EIF4G3: variants seen among roughly 807,000 people sequenced by gnomAD.
The protein encoded by EIF4G3 is eIF-4-gamma 3.
A neutral mutation model predicts 186.4 loss-of-function variants in EIF4G3; 34 were observed. The observed-to-expected ratio is 0.18, with a 90% CI of 0.14 to 0.24. The LOEUF (loss-of-function observed/expected upper bound fraction) is 0.24, where lower values mean the gene tolerates loss of function less well. Ranked by LOEUF, EIF4G3 falls within the 10% of genes least tolerant of loss-of-function variation. The probability of loss-of-function intolerance (pLI) is 1.00; values close to 1 mark genes in which losing one functional copy is unlikely to be tolerated. For synonymous variants in EIF4G3, 673 were observed against 679.5 expected, an observed-to-expected ratio of 0.99 and a Z score of 0.15; for missense variants, 1,536 against 1,948.5, an observed-to-expected ratio of 0.79 and a Z score of 3.99.
chr1:20,964,958 T>A (rs1180807300), intron 12 of EIF4G3, among the ~76,000 whole-genome samples: 1 of 152,202 alleles, frequency 6.6e-6, no homozygotes, highest in Non-Finnish European at 1.5e-5. Flanking sequence ...TTTCTCTCTC[T>A]CTCCACCTGC....
intron 4 of EIF4G3, among the ~76,000 whole-genome samples, chr1:21,046,651 T>C (rs1037029869): frequency 2.6e-5 from 4 of 152,236 alleles, no homozygotes; most frequent in Non-Finnish European, 5.9e-5. Context: ...AAAAAGGACA[T>C]GTAGCTAAAA....
At chr1:20,873,849 TCCC>T (rs1043531948) in intron 20 of EIF4G3, among the ~76,000 whole-genome samples, 20 of 151,574 alleles carry the variant, frequency 1.3e-4, no homozygotes, top group African/African-American at 4.6e-4. Context: ...TCAACCCCCA[TCCC>T]CCAAAAAGCC....
intron 14 of EIF4G3, among the ~76,000 whole-genome samples, chr1:20,907,423 G>C (rs2092393250): frequency 6.6e-6 from 1 of 151,448 alleles, no homozygotes; most frequent in South Asian, 2.1e-4. Context: ...TAAGTTTTAG[G>C]GTACATGTGC....
At chr1:20,988,671 C>A (rs2080161149) in intron 7 of EIF4G3, among the ~76,000 whole-genome samples, 1 of 152,066 alleles carries the variant, frequency 6.6e-6, no homozygotes, top group Non-Finnish European at 1.5e-5. Flanking sequence ...TGGGAAAACA[C>A]CTAGTCACCC....
At chr1:20,934,620 A>C (rs2095456326) in intron 14 of EIF4G3, among the ~76,000 whole-genome samples, 1 of 152,138 alleles carries the variant, frequency 6.6e-6, no homozygotes, top group South Asian at 2.1e-4. Context: ...AAAAACCATA[A>C]AAATAATGGT....
intron 2 of EIF4G3, among the ~76,000 whole-genome samples, chr1:21,166,552 C>G (rs1373700009): frequency 6.6e-6 from 1 of 151,966 alleles, no homozygotes; most frequent in African/African-American, 2.4e-5. Context: ...ATGGTGAAAC[C>G]CCATCTCTAC....
At chr1:21,130,455 C>T (rs909576350) in intron 2 of EIF4G3, among the ~76,000 whole-genome samples, 2 of 151,860 alleles carry the variant, frequency 1.3e-5, no homozygotes, top group Non-Finnish European at 2.9e-5. Flanking sequence ...TCTTGAACTC[C>T]TGACCTCAAG....
At chr1:21,096,843 G>A (rs1359386153) in intron 2 of EIF4G3, among the ~76,000 whole-genome samples, 1 of 152,182 alleles carries the variant, frequency 6.6e-6, no homozygotes, top group Non-Finnish European at 1.5e-5. Flanking sequence ...GGCCTTGATT[G>A]ACCTGAAATG....
intron 20 of EIF4G3, among the ~76,000 whole-genome samples, chr1:20,876,515 T>C (rs1354128870): frequency 6.6e-6 from 1 of 150,874 alleles, no homozygotes; most frequent in Non-Finnish European, 1.5e-5. Context: ...AAAACCTCTT[T>C]ATACATACTC....
chr1:20,811,372 C>G (rs2059212916), intron 35 of EIF4G3, among the ~76,000 whole-genome samples: 1 of 152,190 alleles, frequency 6.6e-6, no homozygotes, highest in South Asian at 2.1e-4. Context: ...CTTGGCCTCC[C>G]AAAATGCTGG....
At chr1:20,818,316 G>A (rs2061541314) in intron 33 of EIF4G3, among the ~76,000 whole-genome samples, 1 of 152,150 alleles carries the variant, frequency 6.6e-6, no homozygotes, top group Non-Finnish European at 1.5e-5. Context: ...TGCTATAATT[G>A]TTTAGCACTT....
intron 2 of EIF4G3, among the ~76,000 whole-genome samples, chr1:21,150,949 C>A (rs545441308): frequency 1.3e-5 from 2 of 152,276 alleles, no homozygotes; most frequent in South Asian, 2.1e-4. Context: ...GCACTCCAGG[C>A]TGGGCAACAG....
chr1:21,146,313 TGGC>T (rs1558177756), intron 2 of EIF4G3, among the ~76,000 whole-genome samples: 46 of 151,830 alleles, frequency 3.0e-4, no homozygotes, highest in Admixed American at 2.9e-3. Context: ...AGGTGAGCCA[TGGC>T]TACACCACTG....
intron 14 of EIF4G3, among the ~76,000 whole-genome samples, chr1:20,928,973 G>T (rs1396420824): frequency 2.0e-5 from 3 of 152,120 alleles, no homozygotes; most frequent in African/African-American, 7.2e-5. Context: ...TCATACAAAT[G>T]GAATCATATA....
At chr1:20,973,639 T>C (rs959969467) in intron 10 of EIF4G3, among the ~76,000 whole-genome samples, 2 of 152,192 alleles carry the variant, frequency 1.3e-5, no homozygotes, top group South Asian at 2.1e-4. Context: ...TCAGAACATA[T>C]GGCCTTAAGA....
intron 2 of EIF4G3, among the ~76,000 whole-genome samples, chr1:21,132,526 T>C (rs1481849414): frequency 2.0e-5 from 3 of 152,042 alleles, no homozygotes; most frequent in Non-Finnish European, 2.9e-5. Context: ...CCTGGATTTC[T>C]TGGGCTCAAC....
intron 18 of EIF4G3, among the ~76,000 whole-genome samples, chr1:20,889,919 C>A (rs191945466): frequency 9.9e-5 from 15 of 152,188 alleles, no homozygotes; most frequent in Admixed American, 4.6e-4. Context: ...ATTTTAAAAT[C>A]ATTGGCATAC....
chr1:20,846,871 T>C (rs1326512572), intron 29 of EIF4G3, among the ~76,000 whole-genome samples: 1 of 152,172 alleles, frequency 6.6e-6, no homozygotes, highest in African/African-American at 2.4e-5. Context: ...GGAATGTATA[T>C]AAAATATAGG....
At chr1:21,065,672 T>G (rs1477734115) in intron 3 of EIF4G3, among the ~76,000 whole-genome samples, 1 of 152,180 alleles carries the variant, frequency 6.6e-6, no homozygotes, top group Non-Finnish European at 1.5e-5. Flanking sequence ...ATAAGCAAAT[T>G]ACTTAAGTTT....
Sources: gnomAD v4.1 joint callset for allele counts (sites outside exome capture counted in the v4.1 genomes callset) on GRCh38, gnomAD v4.1.1 for gene constraint, MANE v1.5 for transcripts, NCBI Gene and HGNC (gene_info 2026-07-23, HGNC 2026-07-21) for gene names.